The following ESRRG variants were observed in gnomAD, a reference collection of about 807,000 sequenced individuals.
ESRRG encodes estrogen related receptor gamma, also known as estrogen-related receptor gamma.
A neutral mutation model predicts 44.0 loss-of-function variants in ESRRG; 13 were observed. The ratio of observed to expected loss-of-function variants is 0.30; its 90% confidence interval spans 0.19 to 0.47. ESRRG has a LOEUF of 0.47. Among genes scored for constraint, ESRRG ranks in the 20% least tolerant of loss-of-function variants. ESRRG has a pLI of 1.00. For synonymous variants in ESRRG, 215 were observed against 214.6 expected (o/e 1.00, Z -0.02); for missense variants, 395 against 580.6 (o/e 0.68, Z 3.29).
intron 3 of ESRRG, among the ~76,000 whole-genome samples, chr1:216,596,221 A>G (rs1274716983): frequency 6.6e-6 from 1 of 152,150 alleles, no homozygotes; most frequent in African/African-American, 2.4e-5. Context: ...AGTAATAAAG[A>G]CTTCTGTCAC....
At chr1:216,904,120 G>C (rs1294936619) in intron 2 of ESRRG, among the ~76,000 whole-genome samples, 1 of 152,158 alleles carries the variant, frequency 6.6e-6, no homozygotes, top group African/African-American at 2.4e-5. Flanking sequence ...CTAGCACAAA[G>C]GGACTCAGTA....
chr1:216,921,590 A>G (rs1395642031), intron 2 of ESRRG, among the ~76,000 whole-genome samples: 1 of 151,784 alleles, frequency 6.6e-6, no homozygotes, highest in African/African-American at 2.4e-5. Context: ...GTGGCTGCTC[A>G]CTCACTTCCT....
intron 2 of ESRRG, among the ~76,000 whole-genome samples, chr1:216,851,314 C>T (rs554416707): frequency 1.1e-4 from 16 of 152,112 alleles, no homozygotes; most frequent in African/African-American, 2.6e-4. Context: ...TTTCTTGTTT[C>T]GGCATCTAAG....
At chr1:216,770,353 C>T (rs554242810) in intron 2 of ESRRG, among the ~76,000 whole-genome samples, 1 of 152,078 alleles carries the variant, frequency 6.6e-6, no homozygotes, top group South Asian at 2.1e-4. Context: ...AGAGCTAGTT[C>T]CATTGTCCTG....
chr1:216,918,330 T>C (rs1212129522), intron 2 of ESRRG, among the ~76,000 whole-genome samples: 1 of 152,178 alleles, frequency 6.6e-6, no homozygotes, highest in African/African-American at 2.4e-5. Flanking sequence ...AAAAGCAATA[T>C]GTGCCCTGCT....
At chr1:216,653,941 C>G (rs2069683827) in intron 2 of ESRRG, among the ~76,000 whole-genome samples, 1 of 143,680 alleles carries the variant, frequency 7.0e-6, no homozygotes, top group Non-Finnish European at 1.5e-5. Flanking sequence ...TGGCAAAACC[C>G]CATCTCTACC....
chr1:216,759,729 T>C (rs1315032300), intron 2 of ESRRG, among the ~76,000 whole-genome samples: 1 of 152,130 alleles, frequency 6.6e-6, no homozygotes, highest in African/African-American at 2.4e-5. Flanking sequence ...ATATACCTAC[T>C]ATACTAATAG....
chr1:216,937,766 C>T (rs940388916), intron 2 of ESRRG, among the ~76,000 whole-genome samples: 1 of 152,158 alleles, frequency 6.6e-6, no homozygotes, highest in Non-Finnish European at 1.5e-5. Context: ...GAAAGAGCAT[C>T]GCTGGATTCC....
chr1:217,069,458 A>T (rs700042), intron 1 of ESRRG, among the ~76,000 whole-genome samples: 82,502 of 150,680 alleles, frequency 0.55, 22,955 homozygotes, highest in East Asian at 0.78. Flanking sequence ...TATAGATAGC[A>T]CCTATTAGTT....
chr1:216,660,863 T>G (rs1171338371), intron 2 of ESRRG, among the ~76,000 whole-genome samples: 1 of 152,174 alleles, frequency 6.6e-6, no homozygotes, highest in Non-Finnish European at 1.5e-5. Context: ...GTGGCTGGTT[T>G]AATTCCACAG....
chr1:216,637,281 A>T (rs2065478330), intron 3 of ESRRG, among the ~76,000 whole-genome samples: 1 of 152,176 alleles, frequency 6.6e-6, no homozygotes, highest in South Asian at 2.1e-4. Context: ...AAGCAGAAAT[A>T]CTCTATACAG....
chr1:217,027,062 A>T (rs1045071744), intron 1 of ESRRG, among the ~76,000 whole-genome samples: 7 of 152,146 alleles, frequency 4.6e-5, no homozygotes, highest in East Asian at 1.9e-4. Context: ...AGATTGGCTG[A>T]AATGATGTAT....
chr1:216,577,641 C>T (rs1317191450), intron 3 of ESRRG, among the ~76,000 whole-genome samples: 4 of 152,016 alleles, frequency 2.6e-5, no homozygotes, highest in African/African-American at 7.2e-5. Context: ...AATATGAAAT[C>T]AACCAAGCAG....
intron 1 of ESRRG, among the ~76,000 whole-genome samples, chr1:217,000,889 G>A (rs1167645074): frequency 6.6e-6 from 1 of 152,210 alleles, no homozygotes; most frequent in African/African-American, 2.4e-5. Flanking sequence ...ACATGTTAAA[G>A]ACAGATACAC....
At chr1:216,878,608 T>C (rs1479634435) in intron 2 of ESRRG, among the ~76,000 whole-genome samples, 2 of 152,216 alleles carry the variant, frequency 1.3e-5, no homozygotes, top group Admixed American at 6.5e-5. Flanking sequence ...CCCAGTTTTG[T>C]TTCCCTCCAT....
intron 2 of ESRRG, among the ~76,000 whole-genome samples, chr1:216,817,116 C>T (rs77634062): frequency 4.0e-5 from 6 of 150,660 alleles, no homozygotes; most frequent in East Asian, 1.9e-4. Flanking sequence ...TCTTAAAAGG[C>T]GAAATATTTT....
At chr1:217,017,176 C>A (rs1447861806) in intron 1 of ESRRG, among the ~76,000 whole-genome samples, 9 of 152,090 alleles carry the variant, frequency 5.9e-5, no homozygotes, top group Non-Finnish European at 1.3e-4. Context: ...AGTTGTACAG[C>A]TGTACTATCT....
intron 1 of ESRRG, among the ~76,000 whole-genome samples, chr1:217,133,932 T>C (rs1341442669): frequency 6.6e-6 from 1 of 152,122 alleles, no homozygotes; most frequent in Admixed American, 6.5e-5. Flanking sequence ...CACCGGTTTC[T>C]GCCTATGAAG....
At chr1:216,866,190 A>G (rs11572553) in intron 2 of ESRRG, among the ~76,000 whole-genome samples, 2 of 152,196 alleles carry the variant, frequency 1.3e-5, no homozygotes, top group Non-Finnish European at 2.9e-5. Context: ...GCTATCAAGT[A>G]ATCAACATAT....
Sources: allele counts gnomAD v4.1 joint callset (sites outside exome capture counted in the v4.1 genomes callset), GRCh38; gene constraint gnomAD v4.1.1; transcripts MANE v1.5; gene names NCBI Gene and HGNC (gene_info 2026-07-23, HGNC 2026-07-21).